CNTN5: variants seen among roughly 807,000 people sequenced by gnomAD.
CNTN5 encodes the protein contactin-5.
Under a neutral mutation model 129.1 loss-of-function variants are expected in CNTN5, and 77 were observed. The ratio of observed to expected loss-of-function variants is 0.60; its 90% CI spans 0.50 to 0.72. CNTN5 has a LOEUF of 0.72. CNTN5 is among the 30% of genes least tolerant of loss of function. CNTN5 has a pLI of 0.00. For missense variants in CNTN5, 1,478 were observed against 1,328.8 expected, an observed-to-expected ratio of 1.11 and a Z score of -1.75; for synonymous variants, 509 against 465.6, an observed-to-expected ratio of 1.09 and a Z score of -1.20.
At chr11:100,336,389 T>C (rs1474447194) in intron 21 of CNTN5, among the ~76,000 whole-genome samples, 3 of 152,216 alleles carry the variant, frequency 2.0e-5, no homozygotes, top group Non-Finnish European at 4.4e-5. Flanking sequence ...ATGTGGTACA[T>C]AGGCATATGA....
At chr11:99,302,161 A>G (rs565273537) in intron 1 of CNTN5, among the ~76,000 whole-genome samples, 17 of 151,480 alleles carry the variant, frequency 1.1e-4, no homozygotes, top group South Asian at 2.1e-4. Context: ...TTCCAACTTA[A>G]AAGAAAAAGA....
At chr11:99,193,625 A>T (rs1858753009) in intron 1 of CNTN5, among the ~76,000 whole-genome samples, 1 of 152,228 alleles carries the variant, frequency 6.6e-6, no homozygotes, top group African/African-American at 2.4e-5. Context: ...TTAAAAGTGG[A>T]AACCCTTATA....
intron 6 of CNTN5, among the ~76,000 whole-genome samples, chr11:99,899,017 T>A (rs1376586429): frequency 6.6e-6 from 1 of 152,032 alleles, no homozygotes; most frequent in Non-Finnish European, 1.5e-5. Flanking sequence ...TTAATTTGGT[T>A]CTCAGCTTGA....
chr11:100,167,273 CTGTG>C (rs1160437825), intron 13 of CNTN5, among the ~76,000 whole-genome samples: 11 of 151,742 alleles, frequency 7.2e-5, no homozygotes, highest in African/African-American at 2.7e-4. Context: ...GTGTAAGATA[CTGTG>C]TGTAAGAGAC....
chr11:99,542,146 A>G (rs1029173430), intron 2 of CNTN5, among the ~76,000 whole-genome samples: 8 of 152,130 alleles, frequency 5.3e-5, no homozygotes, highest in Non-Finnish European at 8.8e-5. Context: ...GGTAATTAAC[A>G]TATCTATCAC....
At chr11:100,096,337 C>A (rs200791110) in intron 13 of CNTN5, among the ~76,000 whole-genome samples, 2 of 151,958 alleles carry the variant, frequency 1.3e-5, no homozygotes, top group Non-Finnish European at 2.9e-5. Flanking sequence ...TAAAAGAGAT[C>A]GCGCTTTCAA....
intron 7 of CNTN5, among the ~76,000 whole-genome samples, chr11:99,922,162 G>A (rs34148057): frequency 0.3 from 45,988 of 152,068 alleles, 8,228 homozygotes; most frequent in South Asian, 0.4. Context: ...GAGGGGCAAA[G>A]GTGCGTCTTA....
chr11:99,270,575 T>C (rs1053738912), intron 1 of CNTN5, among the ~76,000 whole-genome samples: 4 of 151,954 alleles, frequency 2.6e-5, no homozygotes, highest in Non-Finnish European at 5.9e-5. Flanking sequence ...TAAAATAGTC[T>C]ACATATGACC....
intron 2 of CNTN5, among the ~76,000 whole-genome samples, chr11:99,335,052 A>T (rs892394384): frequency 1.3e-5 from 2 of 152,158 alleles, no homozygotes; most frequent in East Asian, 3.9e-4. Context: ...CTGGCACCAG[A>T]GCTGTTTCAA....
intron 2 of CNTN5, among the ~76,000 whole-genome samples, chr11:99,470,856 G>T (rs1456373525): frequency 6.6e-6 from 1 of 151,964 alleles, no homozygotes; most frequent in Non-Finnish European, 1.5e-5. Flanking sequence ...TAAGTTTGCA[G>T]TTGGATGCTT....
intron 8 of CNTN5, among the ~76,000 whole-genome samples, chr11:99,981,077 GATATATAT>G (rs372749441): frequency 5.2e-5 from 3 of 57,598 alleles, no homozygotes; most frequent in East Asian, 6.0e-4. Context: ...GAGCCAATAG[GATATATAT>G]ATATATATAT....
rs534846168 is a variant in CNTN5, at chr11:99,026,588, T to C, written c.-210+5318T>C. On this transcript the variant is annotated intron_variant, in intron 1 of 24. Coordinates refer to ENST00000524871, the MANE Select transcript of CNTN5 (RefSeq NM_014361.4). ...AATTCAGCACAAATCTCATGATTTA[T>C]TGATGATTAATTGTGGAACCCTTAG... is the stretch of plus-strand genomic sequence containing the variant. Among the ~76,000 whole-genome samples, 5 of 151,760 alleles carry C rather than the reference T, an allele frequency of 3.3e-5. No homozygotes were observed. In the East Asian group the frequency reaches 7.7e-4, roughly 23 times the overall value.
chr11:99,201,571 T>A (rs1859212162), intron 1 of CNTN5, among the ~76,000 whole-genome samples: 1 of 152,084 alleles, frequency 6.6e-6, no homozygotes, highest in Non-Finnish European at 1.5e-5. Flanking sequence ...GTGGATGGAT[T>A]TGGTGATTGC....
intron 2 of CNTN5, among the ~76,000 whole-genome samples, chr11:99,412,129 A>G (rs1307686490): frequency 6.6e-6 from 1 of 152,190 alleles, no homozygotes; most frequent in Non-Finnish European, 1.5e-5. Context: ...ATTTCCTTGT[A>G]TGATTTTTAT....
intron 2 of CNTN5, among the ~76,000 whole-genome samples, chr11:99,502,773 G>A (rs1946474745): frequency 6.6e-6 from 1 of 152,148 alleles, no homozygotes; most frequent in African/African-American, 2.4e-5. Flanking sequence ...CACCCTCCTA[G>A]AGGTAAACTA....
At chr11:99,128,713 G>C (rs1481811281) in intron 1 of CNTN5, among the ~76,000 whole-genome samples, 1 of 152,174 alleles carries the variant, frequency 6.6e-6, no homozygotes, top group Non-Finnish European at 1.5e-5. Context: ...TCATACAGGA[G>C]AGTTATGGCT....
In CNTN5 at chr11:99,713,780, T is replaced by C. The variant is rs551541241; in HGVS notation, c.56-105764T>C. Reference sequence around the variant, plus strand: ...GGGGCATTTTATTGTAGAAAGTAAATTGATTTTTTCCCTTCATTTAAAGAA... The same window carrying C: ...GGGGCATTTTATTGTAGAAAGTAAACTGATTTTTTCCCTTCATTTAAAGAA... On this transcript the variant is annotated intron_variant, in intron 3 of 24. Coordinates refer to ENST00000524871, the MANE Select transcript of CNTN5 (RefSeq NM_014361.4). Among the ~76,000 whole-genome samples, 240 of 152,010 alleles carry C rather than the reference T, an allele frequency of 1.6e-3. 2 individuals are homozygous for C. Among genetic ancestry groups the C allele is most frequent in the Non-Finnish European group, 2.6e-3 (177 of 67,888 alleles).
At chr11:100,153,747 T>A (rs1289602373) in intron 13 of CNTN5, among the ~76,000 whole-genome samples, 1 of 152,074 alleles carries the variant, frequency 6.6e-6, no homozygotes, top group African/African-American at 2.4e-5. Flanking sequence ...GGCATCATAA[T>A]GCCTAAATGT....
chr11:99,788,580 A>G (rs576894628), intron 3 of CNTN5, among the ~76,000 whole-genome samples: 2 of 152,066 alleles, frequency 1.3e-5, no homozygotes, highest in East Asian at 1.9e-4. Context: ...ACCCCATACA[A>G]GTCACAGTGA....
Sources: gnomAD v4.1 joint callset for allele counts (sites outside exome capture counted in the v4.1 genomes callset) on GRCh38, gnomAD v4.1.1 for gene constraint, MANE v1.5 for transcripts, NCBI Gene and HGNC (gene_info 2026-07-23, HGNC 2026-07-21) for gene names.